The following TBC1D28 variants were observed in gnomAD, a reference collection of about 807,000 sequenced individuals.
TBC1D28 encodes TBC1 domain family member 28.
Under a neutral mutation model 29.2 loss-of-function variants are expected in TBC1D28, and 20 were observed. The observed-to-expected ratio is 0.68, with a 90% CI of 0.48 to 0.99. The LOEUF is 0.99. TBC1D28 is among the 50% of genes least tolerant of loss of function. The probability of loss-of-function intolerance (pLI) is 0.00; values close to 1 mark genes in which losing one functional copy is unlikely to be tolerated. For synonymous variants in TBC1D28, 65 were observed against 90.9 expected, an observed-to-expected ratio of 0.71 and a Z score of 1.62; for missense variants, 205 against 243.7, an observed-to-expected ratio of 0.84 and a Z score of 1.06.
rs1301323066 is a variant in TBC1D28, at chr17:18,636,091, A to C, written c.*371T>G. On this transcript the variant is annotated 3_prime_UTR_variant, in exon 9 of 9. Transcript: ENST00000345096. ...TCTGGAAAGTGGGGGCCAAGCAGGAAGAGCCACCTGGGTGACCCCCCTCCC... is the reference window on the plus strand; with the variant it reads ...TCTGGAAAGTGGGGGCCAAGCAGGACGAGCCACCTGGGTGACCCCCCTCCC... 6 of 1,035,088 alleles carry C rather than the reference A, an allele frequency of 5.8e-6. No individual in the cohort carries two copies. In the South Asian group the frequency reaches 2.1e-4, roughly 36 times the overall value. The allele number at this position is 1,035,088 out of a possible 1,614,324, so 64.1% of individuals were successfully genotyped here. A position where few individuals can be genotyped will look rare whatever the true frequency, so the allele number is the denominator to read the frequency against.
intron 4 of TBC1D28, among the ~76,000 whole-genome samples, chr17:18,640,598 G>A (rs1389599548): frequency 6.7e-6 from 1 of 149,638 alleles, no homozygotes; most frequent in African/African-American, 2.5e-5. Context: ...CCTCATGGCT[G>A]AGCCCCCTGA....
rs769327294 is a variant in TBC1D28, at chr17:18,638,614, A to G, written c.279+7T>C. On this transcript the variant is annotated splice_region_variant and intron_variant, in intron 6 of 8. Coordinates refer to ENST00000345096, the Ensembl canonical transcript of TBC1D28. ...CAGTCACGGGGGCCGCTTCCTCCCCATGTTACCTTCTTGGTGCTCCTATAT... is the reference window on the plus strand; with the variant it reads ...CAGTCACGGGGGCCGCTTCCTCCCCGTGTTACCTTCTTGGTGCTCCTATAT... 1 of 1,614,062 alleles carries G rather than the reference A, an allele frequency of 6.2e-7. No homozygotes were observed. The highest frequency in any genetic ancestry group is 2.2e-5 in the East Asian group (1 of 44,874).
At chr17:18,637,637 G>T (rs1353397879) in intron 8 of TBC1D28, among the ~76,000 whole-genome samples, 2 of 150,994 alleles carry the variant, frequency 1.3e-5, no homozygotes, top group East Asian at 4.0e-4. Context: ...TCTGCCTTCC[G>T]TCTCCTTGGG....
At chr17:18,639,023 G>C (rs2031643985) in intron 5 of TBC1D28, 152 bp downstream of exon 6, 15 of 1,281,702 alleles carry the variant, frequency 1.2e-5, no homozygotes, top group African/African-American at 3.0e-5. Flanking sequence ...GCCCTCATGG[G>C]AACAGAGTCC....
exon 9 of TBC1D28, chr17:18,636,417 G>C (rs747964969): frequency 8.7e-6 from 14 of 1,604,252 alleles, no homozygotes; most frequent in Middle Eastern, 1.7e-4. Flanking sequence ...CCAGCAGCGA[G>C]CTGAAGTCCT....
exon 7 of TBC1D28, chr17:18,638,392 G>T: frequency 6.2e-7 from 1 of 1,614,132 alleles, no homozygotes; most frequent in Non-Finnish European, 8.5e-7. Context: ...CACCGCCAGG[G>T]GAATGACTTT....
chr17:18,639,205 C>T (rs767299920), exon 5 of TBC1D28: 5 of 1,612,198 alleles, frequency 3.1e-6, no homozygotes, highest in East Asian at 2.2e-5. Context: ...CGCGGGGCAG[C>T]TCCATCTCAC....
exon 5 of TBC1D28, chr17:18,639,181 C>T (rs370734289): frequency 2.6e-5 from 42 of 1,612,056 alleles, no homozygotes; most frequent in Non-Finnish European, 3.4e-5. Context: ...TTACCTTCAC[C>T]TCCAGGGCAC....
chr17:18,636,889 G>A (rs562377108), intron 8 of TBC1D28, among the ~76,000 whole-genome samples: 1 of 121,118 alleles, frequency 8.3e-6, no homozygotes, highest in Non-Finnish European at 1.7e-5. Context: ...TCTTTGGGAC[G>A]TGCAGTTCCA....
At chr17:18,641,586 A>G (rs11656021) in intron 2 of TBC1D28, 46 bp downstream of exon 3, 72,347 of 589,464 alleles carry the variant, frequency 0.12, 4,888 homozygotes, top group African/African-American at 0.16. Context: ...CGGGGACCTG[A>G]ACAGAGAGGC....
downstream of TBC1D28, among the ~76,000 whole-genome samples, chr17:18,634,824 C>CCCTCAGCCCCTCAGCCT (rs1363046838): frequency 7.0e-6 from 1 of 142,380 alleles, no homozygotes; most frequent in Non-Finnish European, 1.6e-5. Flanking sequence ...CCGCCTCAGC[C>CCCTCAGCCCCTCAGCCT]CCTCAGCCCC....
rs533331975 is a variant in TBC1D28, at chr17:18,637,633, T to C, written c.497+231A>G. The stretch of plus-strand genomic sequence containing the variant: ...CTGCATGACTCTTTTTTTTTCTGCC[T>C]TCCGTCTCCTTGGGAGTCACCTGGG... On this transcript the variant is annotated intron_variant, in intron 8 of 8. Coordinates refer to ENST00000345096, the Ensembl canonical transcript of TBC1D28. Among the ~76,000 whole-genome samples, 252 of 151,688 alleles carry C rather than the reference T, an allele frequency of 1.7e-3. 1 individual carries two copies. Among genetic ancestry groups the C allele is most frequent in the African/African-American group, 5.9e-3 (243 of 41,356 alleles).
exon 7 of TBC1D28, chr17:18,638,372 C>T (rs760280815): frequency 1.2e-5 from 20 of 1,614,142 alleles, no homozygotes; most frequent in Non-Finnish European, 1.5e-5. Flanking sequence ...AGTGACAACG[C>T]CCGGCCCCGC....
intron 5 of TBC1D28, 191 bp downstream of exon 6, chr17:18,638,984 C>G (rs1028152287): frequency 9.8e-7 from 1 of 1,018,070 alleles, no homozygotes; most frequent in African/African-American, 1.6e-5. Context: ...TGAGCCAGGA[C>G]TACAGTTCTT....
intron 7 of TBC1D28, 157 bp from the exon 9 acceptor site, chr17:18,638,130 A>T: frequency 1.4e-6 from 2 of 1,383,058 alleles, no homozygotes. Context: ...TTCTGACGCC[A>T]GGGAGGGTCA....
At chr17:18,635,998 G>T in exon 9 of TBC1D28, 1 of 994,334 alleles carries the variant, frequency 1.0e-6, no homozygotes, top group Non-Finnish European at 1.2e-6. Context: ...CCGAACATAA[G>T]GGGTGGCTGG....
chr17:18,637,161 C>A (rs2031540242), intron 8 of TBC1D28, among the ~76,000 whole-genome samples: 1 of 140,814 alleles, frequency 7.1e-6, no homozygotes, highest in Non-Finnish European at 1.5e-5. Context: ...CACCCATGTT[C>A]CTGCAGGCAT....
exon 3 of TBC1D28, chr17:18,641,324 A>G: frequency 6.2e-7 from 1 of 1,613,896 alleles, no homozygotes; most frequent in Non-Finnish European, 8.5e-7. Context: ...CTGGGCAGGC[A>G]GGTTATCCGG....
intron 4 of TBC1D28, among the ~76,000 whole-genome samples, chr17:18,639,431 G>A (rs536587317): frequency 3.1e-5 from 4 of 129,086 alleles, no homozygotes; most frequent in African/African-American, 1.2e-4. Context: ...GGCCCTGGGT[G>A]GGGGGGACAC....
Sources: allele counts gnomAD v4.1 joint callset (sites outside exome capture counted in the v4.1 genomes callset), GRCh38; gene constraint gnomAD v4.1.1; transcripts MANE v1.5; gene names NCBI Gene and HGNC (gene_info 2026-07-23, HGNC 2026-07-21).